Variants in PTPRT observed in about 807,000 individuals in gnomAD.
The protein encoded by PTPRT is protein tyrosine phosphatase receptor type T, also known as receptor-type tyrosine-protein phosphatase T.
Under a neutral mutation model 176.8 loss-of-function variants are expected in PTPRT, and 56 were observed. The ratio of observed to expected loss-of-function variants is 0.32; its 90% confidence interval spans 0.26 to 0.40. The LOEUF (loss-of-function observed/expected upper bound fraction) is 0.40, where lower values mean the gene tolerates loss of function less well. Ranked by LOEUF, PTPRT falls within the 10% of genes least tolerant of loss-of-function variation. The pLI is 1.00. For missense variants in PTPRT, 1,540 were observed against 1,908.2 expected (o/e 0.81, Z 3.60); for synonymous variants, 783 against 739.0 (o/e 1.06, Z -0.96).
At chr20:42,778,076 C>T (rs1452801570) in intron 4 of PTPRT, among the ~76,000 whole-genome samples, 1 of 152,208 alleles carries the variant, frequency 6.6e-6, no homozygotes, top group East Asian at 1.9e-4. Flanking sequence ...ACCCACACCC[C>T]TCTGCAGGAG....
chr20:42,445,267 T>C (rs2059352692), intron 9 of PTPRT, among the ~76,000 whole-genome samples: 1 of 152,234 alleles, frequency 6.6e-6, no homozygotes, highest in Non-Finnish European at 1.5e-5. Context: ...TGATAACAGC[T>C]AACATTTATA....
Position 42,850,285 on chromosome 20 carries a change from T to G in PTPRT, c.214+35522A>C, listed in dbSNP as rs76698059. ...GAAATACTAAAAGCGCTTCAAGCAC[T>G]ACCACTTCTCCTTCCCAGATTCCCA... On this transcript the variant is annotated intron_variant, in intron 2 of 30. Transcript: ENST00000373187. Among the ~76,000 whole-genome samples the G allele has an allele frequency of 5.7e-3, 869 of 152,330 alleles. 11 individuals are homozygous for G. Among genetic ancestry groups the G allele is most frequent in the African/African-American group, 0.02 (837 of 41,574 alleles).
At chr20:42,805,577 A>G (rs2077594037) in intron 2 of PTPRT, among the ~76,000 whole-genome samples, 1 of 152,176 alleles carries the variant, frequency 6.6e-6, no homozygotes, top group African/African-American at 2.4e-5. Flanking sequence ...GGAGATGAAA[A>G]TGCTCCTCAA....
chr20:42,976,487 C>G (rs1229630562), intron 1 of PTPRT, among the ~76,000 whole-genome samples: 1 of 151,960 alleles, frequency 6.6e-6, no homozygotes, highest in Non-Finnish European at 1.5e-5. Flanking sequence ...CTTAGTGCAA[C>G]CTCCGCCTCC....
chr20:42,657,951 A>T (rs1403633692), intron 7 of PTPRT, among the ~76,000 whole-genome samples: 1 of 150,106 alleles, frequency 6.7e-6, no homozygotes, highest in Admixed American at 6.6e-5. Context: ...CCTTTTCTTA[A>T]GAAAAGTACC....
At chr20:42,458,559 CT>C (rs1158762467) in intron 8 of PTPRT, among the ~76,000 whole-genome samples, 1 of 152,310 alleles carries the variant, frequency 6.6e-6, no homozygotes, top group East Asian at 1.9e-4. Flanking sequence ...GATCCTCCCC[CT>C]GGCCCCATTG....
chr20:43,062,405 A>G (rs1459912411), intron 1 of PTPRT, among the ~76,000 whole-genome samples: 1 of 152,218 alleles, frequency 6.6e-6, no homozygotes, highest in Admixed American at 6.5e-5. Flanking sequence ...AATACATGCC[A>G]AACACCTGGG....
chr20:42,424,838 G>T (rs2059148531), intron 9 of PTPRT, among the ~76,000 whole-genome samples: 1 of 149,326 alleles, frequency 6.7e-6, no homozygotes, highest in South Asian at 2.2e-4. Flanking sequence ...TGCCTTTAAG[G>T]TATTATGTAG....
intron 1 of PTPRT, among the ~76,000 whole-genome samples, chr20:42,988,000 T>C (rs530673645): frequency 2.0e-5 from 3 of 152,266 alleles, no homozygotes; most frequent in South Asian, 2.1e-4. Flanking sequence ...ATGGAAGCTG[T>C]AGTAGCTCTT....
At chr20:42,881,310 T>C (rs2079006614) in intron 2 of PTPRT, among the ~76,000 whole-genome samples, 1 of 152,192 alleles carries the variant, frequency 6.6e-6, no homozygotes, top group Non-Finnish European at 1.5e-5. Context: ...AACATGTCTA[T>C]GATAACGATT....
At chr20:42,230,831 G>A (rs2056118700) in intron 15 of PTPRT, among the ~76,000 whole-genome samples, 1 of 152,208 alleles carries the variant, frequency 6.6e-6, no homozygotes, top group African/African-American at 2.4e-5. Context: ...GTGTATACTG[G>A]AGAGACAATA....
intron 1 of PTPRT, among the ~76,000 whole-genome samples, chr20:43,048,704 T>G (rs992745355): frequency 1.3e-5 from 2 of 152,222 alleles, no homozygotes; most frequent in African/African-American, 4.8e-5. Flanking sequence ...AAAATGTTTC[T>G]GCTTTTATTT....
intron 9 of PTPRT, among the ~76,000 whole-genome samples, chr20:42,365,606 A>G (rs1259223266): frequency 2.0e-5 from 3 of 152,082 alleles, no homozygotes; most frequent in African/African-American, 7.2e-5. Flanking sequence ...GAAGAAGAAG[A>G]ATTGTCTTGG....
At chr20:42,207,660 G>A (rs929185835) in intron 15 of PTPRT, among the ~76,000 whole-genome samples, 2 of 43,568 alleles carry the variant, frequency 4.6e-5, no homozygotes, top group Non-Finnish European at 8.5e-5. Flanking sequence ...CCAAATCTAC[G>A]TCTGATTGGT....
intron 7 of PTPRT, among the ~76,000 whole-genome samples, chr20:42,520,841 G>GTATATAGATAGATAGA (rs142205748): frequency 1.6e-4 from 23 of 143,818 alleles, no homozygotes; most frequent in African/African-American, 6.0e-4. Context: ...GGGTGTGTGT[G>GTATATAGATAGATAGA]TAGATAGATA....
chr20:42,763,609 C>T (rs970851572), intron 5 of PTPRT, among the ~76,000 whole-genome samples: 5 of 152,278 alleles, frequency 3.3e-5, no homozygotes, highest in South Asian at 2.1e-4. Context: ...ACTTGTAATG[C>T]GTATTCTTTT....
At chr20:42,603,008 C>T (rs534643849) in intron 7 of PTPRT, among the ~76,000 whole-genome samples, 1 of 152,310 alleles carries the variant, frequency 6.6e-6, no homozygotes, top group Non-Finnish European at 1.5e-5. Context: ...GTTCCCTTCA[C>T]TCCTCATTCA....
chr20:42,904,983 A>G (rs988035230), intron 1 of PTPRT, among the ~76,000 whole-genome samples: 10 of 152,210 alleles, frequency 6.6e-5, no homozygotes, highest in African/African-American at 1.9e-4. Context: ...AACCTAGGCA[A>G]TACCATTCAG....
chr20:42,776,000 A>G (rs2077129640), intron 4 of PTPRT, among the ~76,000 whole-genome samples: 1 of 152,238 alleles, frequency 6.6e-6, no homozygotes, highest in Non-Finnish European at 1.5e-5. Context: ...ATCCACTTGC[A>G]TGACAGGTAA....
Sources: allele counts gnomAD v4.1 joint callset (sites outside exome capture counted in the v4.1 genomes callset), GRCh38; gene constraint gnomAD v4.1.1; transcripts MANE v1.5; gene names NCBI Gene and HGNC (gene_info 2026-07-23, HGNC 2026-07-21).